Variants in INPP4A observed in about 807,000 individuals in gnomAD.
The protein encoded by INPP4A is inositol polyphosphate-4-phosphatase type I A.
In INPP4A, 33 loss-of-function variants were observed where a neutral mutation model predicts 119.8. The observed-to-expected ratio is 0.28, with a 90% CI of 0.21 to 0.37. INPP4A has a LOEUF of 0.37. INPP4A is among the 10% of genes least tolerant of loss of function. The pLI is 1.00. For missense variants in INPP4A, 956 were observed against 1,289.9 expected (o/e 0.74, Z 3.97); for synonymous variants, 496 against 500.7 (o/e 0.99, Z 0.12).
At chr2:98,453,492 C>G (rs1355421853) in intron 1 of INPP4A, among the ~76,000 whole-genome samples, 3 of 152,218 alleles carry the variant, frequency 2.0e-5, no homozygotes, top group African/African-American at 7.2e-5. Flanking sequence ...TATGGTGTGA[C>G]TGTTTCTTAG....
intron 2 of INPP4A, 103 bp from the exon 3 acceptor site, chr2:98,519,843 G>T (rs1268722732): frequency 1.8e-6 from 1 of 561,090 alleles, no homozygotes; most frequent in Non-Finnish European, 3.3e-6. Context: ...GGGGAACCCT[G>T]TCACTGTACC....
At chr2:98,563,346 G>A (rs967697035) in intron 17 of INPP4A, 119 bp from the exon 18 acceptor site, 2 of 910,554 alleles carry the variant, frequency 2.2e-6, no homozygotes, top group Admixed American at 4.8e-5. Context: ...GGAAGATGAG[G>A]TGGAGATGGG....
intron 16 of INPP4A, among the ~76,000 whole-genome samples, chr2:98,558,528 G>A (rs75148662): frequency 0.011 from 1,711 of 152,224 alleles, 38 homozygotes; most frequent in African/African-American, 0.039. Context: ...TTCCAAAGAC[G>A]ATTAGAGAGG....
intron 1 of INPP4A, among the ~76,000 whole-genome samples, chr2:98,492,481 C>T (rs751286086): frequency 6.6e-6 from 1 of 152,144 alleles, no homozygotes; most frequent in Non-Finnish European, 1.5e-5. Flanking sequence ...GATGTGCTAC[C>T]CCTGGGAGGG....
At chr2:98,562,474 A>G (rs1695666132) in intron 17 of INPP4A, among the ~76,000 whole-genome samples, 1 of 152,206 alleles carries the variant, frequency 6.6e-6, no homozygotes, top group African/African-American at 2.4e-5. Flanking sequence ...CCCACAGCCC[A>G]TGGCCTTCCC....
At chr2:98,564,870 A>G (rs1013147056) in intron 19 of INPP4A, 107 bp downstream of exon 19, 3 of 1,321,504 alleles carry the variant, frequency 2.3e-6, no homozygotes, top group Non-Finnish European at 3.0e-6. Flanking sequence ...TTATTGAAAT[A>G]AATCCAAAAT....
At chr2:98,520,846 A>ACTG (rs1202262465) in intron 4 of INPP4A, 115 bp downstream of exon 4, 2 of 616,998 alleles carry the variant, frequency 3.2e-6, no homozygotes, top group Non-Finnish European at 5.6e-6. Context: ...TGCTGCCACC[A>ACTG]CTGCTGCAGC....
chr2:98,489,641 A>C (rs1355523839), intron 1 of INPP4A, among the ~76,000 whole-genome samples: 1 of 152,172 alleles, frequency 6.6e-6, no homozygotes. Flanking sequence ...CTACTATGAC[A>C]GTCCCATTCT....
chr2:98,551,428 C>T (rs1330327144), intron 13 of INPP4A, among the ~76,000 whole-genome samples: 3 of 152,162 alleles, frequency 2.0e-5, no homozygotes, highest in East Asian at 1.9e-4. Context: ...GGGCTTCTGG[C>T]ACATCCATTG....
At chr2:98,538,629 GT>G (rs748076529) in intron 8 of INPP4A, among the ~76,000 whole-genome samples, 58 of 152,164 alleles carry the variant, frequency 3.8e-4, no homozygotes, top group Non-Finnish European at 7.2e-4. Flanking sequence ...CTTCCTTTTC[GT>G]TTTTACATCA....
At chr2:98,565,176 C>T (rs1696205885) in intron 19 of INPP4A, among the ~76,000 whole-genome samples, 1 of 152,130 alleles carries the variant, frequency 6.6e-6, no homozygotes, top group Admixed American at 6.5e-5. Flanking sequence ...TCTTCCTACC[C>T]TTGTTTATTA....
chr2:98,511,306 C>T (rs1309920147), intron 1 of INPP4A, among the ~76,000 whole-genome samples: 1 of 152,186 alleles, frequency 6.6e-6, no homozygotes, highest in African/African-American at 2.4e-5. Flanking sequence ...GATCTGCCTG[C>T]CTTGGCCTCC....
intron 24 of INPP4A, among the ~76,000 whole-genome samples, chr2:98,579,881 G>C (rs1699025341): frequency 6.6e-6 from 1 of 152,228 alleles, no homozygotes; most frequent in South Asian, 2.1e-4. Flanking sequence ...ACAAAACAAA[G>C]CTCAATCCTA....
At chr2:98,495,306 A>G (rs1681716275) in intron 1 of INPP4A, among the ~76,000 whole-genome samples, 2 of 152,226 alleles carry the variant, frequency 1.3e-5, no homozygotes, top group South Asian at 2.1e-4. Context: ...CCACTGGTCT[A>G]CGTGTCTATT....
upstream of INPP4A, among the ~76,000 whole-genome samples, chr2:98,444,655 G>A (rs1447844487): frequency 6.6e-6 from 1 of 152,244 alleles, no homozygotes; most frequent in African/African-American, 2.4e-5. Context: ...ACTCCTTGCA[G>A]GTGAAGCAGT....
intron 1 of INPP4A, among the ~76,000 whole-genome samples, chr2:98,454,588 T>C (rs1462338441): frequency 4.6e-5 from 7 of 152,002 alleles, no homozygotes; most frequent in Non-Finnish European, 8.8e-5. Context: ...CACTTGACAG[T>C]CTTGGTAACT....
chr2:98,467,139 G>A lies in INPP4A; in HGVS notation c.-166+22054G>A, dbSNP rs116480622. Among the ~76,000 whole-genome samples, 710 of 152,248 alleles carry A rather than the reference G, an allele frequency of 4.7e-3. 2 individuals are homozygous for A. The highest frequency in any genetic ancestry group is 8.5e-3 in the Non-Finnish European group (579 of 68,010). On this transcript the variant is annotated intron_variant, in intron 1 of 24. Transcript: ENST00000409851. Reference sequence around the variant, plus strand: ...GAGAGGAAGGAAGGGAGCGGGTGGTGGTGGTGGTGTCCCAGGCTCTTTTCA... The same window carrying A: ...GAGAGGAAGGAAGGGAGCGGGTGGTAGTGGTGGTGTCCCAGGCTCTTTTCA...
chr2:98,567,298 T>G (rs1466311214), intron 21 of INPP4A, among the ~76,000 whole-genome samples: 1 of 151,938 alleles, frequency 6.6e-6, no homozygotes, highest in African/African-American at 2.4e-5. Flanking sequence ...TCAGTGGGGT[T>G]GGGGCTGGGG....
intron 24 of INPP4A, among the ~76,000 whole-genome samples, chr2:98,583,350 T>C (rs1195278520): frequency 6.6e-6 from 1 of 151,954 alleles, no homozygotes; most frequent in Non-Finnish European, 1.5e-5. Flanking sequence ...ATCCCTGACT[T>C]GTGGGCAGTT....
Sources: gnomAD v4.1 joint callset for allele counts (sites outside exome capture counted in the v4.1 genomes callset) on GRCh38, gnomAD v4.1.1 for gene constraint, MANE v1.5 for transcripts, NCBI Gene and HGNC (gene_info 2026-07-23, HGNC 2026-07-21) for gene names.